GAREM1: variants seen among roughly 807,000 people sequenced by gnomAD.
The protein encoded by GAREM1 is GRB2 associated regulator of MAPK1 subtype 1, also known as GRB2-associated and regulator of MAPK protein 1.
GAREM1 carries 26 observed loss-of-function variants against 71.3 expected under a neutral mutation model. That is an observed-to-expected ratio of 0.36 (90% CI 0.27 to 0.51). The LOEUF is 0.51. Ranked by LOEUF, GAREM1 falls within the 20% of genes least tolerant of loss-of-function variation. The pLI is 0.95. For synonymous variants in GAREM1, 440 were observed against 433.2 expected (o/e 1.02, Z -0.20); for missense variants, 1,026 against 1,103.1 (o/e 0.93, Z 0.99).
In GAREM1 at chr18:32,370,148, G is replaced by T. The variant is rs769821108; in HGVS notation, c.262+22747C>A. ...ATCAACATGCTTTAAAAAGCGTAAG[G>T]TGGGCCGGGTGCGGTGGCTCACGCC... On this transcript the variant is annotated intron_variant, in intron 2 of 5. Transcript: ENST00000269209. Among the ~76,000 whole-genome samples the T allele has an allele frequency of 9.9e-5, 15 of 152,270 alleles. No individual in the cohort carries two copies. In the East Asian group the frequency reaches 2.9e-3, roughly 29 times the overall value.
intron 1 of GAREM1, among the ~76,000 whole-genome samples, chr18:32,463,165 C>A (rs1255921070): frequency 6.6e-6 from 1 of 151,982 alleles, no homozygotes; most frequent in Non-Finnish European, 1.5e-5. Flanking sequence ...TGTACATATA[C>A]TGAAATGCCA....
At chr18:32,295,237 C>T (rs973996267) in intron 3 of GAREM1, among the ~76,000 whole-genome samples, 3 of 151,876 alleles carry the variant, frequency 2.0e-5, no homozygotes, top group Non-Finnish European at 4.4e-5. Flanking sequence ...CCCATATGTT[C>T]ATTTTTCACT....
chr18:32,436,397 T>A lies in GAREM1; in HGVS notation c.121+33911A>T, dbSNP rs2048679020. On this transcript the variant is annotated intron_variant, in intron 1 of 5. Coordinates refer to ENST00000269209, the MANE Select transcript of GAREM1 (RefSeq NM_001242409.2). ...TGTGTGTATGACTTGCAATGTCTTA[T>A]CCACAAGAAAAATAACTACAAGAGG... Among the ~76,000 whole-genome samples, 3 of 152,312 alleles carry A rather than the reference T, an allele frequency of 2.0e-5. No homozygotes were observed. The South Asian group carries it at 6.2e-4, about 32-fold the overall frequency.
intron 1 of GAREM1, among the ~76,000 whole-genome samples, chr18:32,453,073 C>T (rs1000779): frequency 0.27 from 40,708 of 151,864 alleles, 6,292 homozygotes; most frequent in African/African-American, 0.43. Flanking sequence ...AGACTCACAG[C>T]TCCACGTGGC....
chr18:32,443,872 G>A (rs2048763976), intron 1 of GAREM1, among the ~76,000 whole-genome samples: 1 of 152,136 alleles, frequency 6.6e-6, no homozygotes, highest in Admixed American at 6.6e-5. Flanking sequence ...CAATCCAAAT[G>A]TCTATCAACT....
chr18:32,276,820 G>C (rs2041548988), intron 4 of GAREM1, among the ~76,000 whole-genome samples: 2 of 152,192 alleles, frequency 1.3e-5, no homozygotes, highest in African/African-American at 4.8e-5. Context: ...AGAATCTGAA[G>C]TTATGGCGGC....
intron 2 of GAREM1, among the ~76,000 whole-genome samples, chr18:32,382,774 T>C (rs1567988514): frequency 2.0e-5 from 3 of 151,946 alleles, no homozygotes; most frequent in African/African-American, 4.8e-5. Context: ...GCAGTTTTGA[T>C]AGGAATTGTG....
chr18:32,267,842 T>C lies in GAREM1; in HGVS notation c.*29A>G. On this transcript the variant is annotated 3_prime_UTR_variant, in exon 6 of 6. Coordinates refer to ENST00000269209, the MANE Select transcript of GAREM1 (RefSeq NM_001242409.2). ...CTTCTAGCACACGCATTGATCAGTTTTGTTCCATGCTGGCCGGGGGTTATT... is the reference window on the plus strand; with the variant it reads ...CTTCTAGCACACGCATTGATCAGTTCTGTTCCATGCTGGCCGGGGGTTATT... 1 of 1,580,792 alleles carries C rather than the reference T, an allele frequency of 6.3e-7. No individual in the cohort carries two copies. The highest frequency in any genetic ancestry group is 8.6e-7 in the Non-Finnish European group (1 of 1,158,954).
At position 32,270,509 on chromosome 18, in the gene GAREM1, G is replaced by C. The variant is rs78055134; in HGVS notation, c.1567-126C>G. ...AACAGCAGGGTGTAAGCATGGCAGA[G>C]AGAAGATTGAAGTAAACAAGAATGA... On this transcript the variant is annotated intron_variant, in intron 4 of 5. Coordinates refer to ENST00000269209, the MANE Select transcript of GAREM1 (RefSeq NM_001242409.2). The C allele has an allele frequency of 8.1e-6, 6 of 741,090 alleles. No individual in the cohort carries two copies. In the East Asian group the frequency reaches 1.7e-4, roughly 21 times the overall value. The allele number at this position is 741,090 out of a possible 1,614,324, so 45.9% of individuals were successfully genotyped here.
chr18:32,341,621 T>G (rs937171146), intron 2 of GAREM1, among the ~76,000 whole-genome samples: 1 of 152,228 alleles, frequency 6.6e-6, no homozygotes, highest in South Asian at 2.1e-4. Context: ...GTTGATATTT[T>G]TCTTTAAAGC....
chr18:32,398,439 A>T (rs1311704874), intron 1 of GAREM1, among the ~76,000 whole-genome samples: 1 of 152,210 alleles, frequency 6.6e-6, no homozygotes, highest in Non-Finnish European at 1.5e-5. Flanking sequence ...TAAAGAAGAA[A>T]AGAGAGAAGA....
chr18:32,339,533 T>C (rs2047628890), intron 2 of GAREM1, among the ~76,000 whole-genome samples: 1 of 152,200 alleles, frequency 6.6e-6, no homozygotes, highest in Non-Finnish European at 1.5e-5. Context: ...GCTGGACCTA[T>C]GGGAAGGACT....
At chr18:32,449,469 T>C (rs1286855127) in intron 1 of GAREM1, among the ~76,000 whole-genome samples, 1 of 152,124 alleles carries the variant, frequency 6.6e-6, no homozygotes, top group Admixed American at 6.6e-5. Flanking sequence ...AGTGGATCGC[T>C]TGAGTCCAGA....
chr18:32,429,775 A>ATTTC (rs753805787), intron 1 of GAREM1, among the ~76,000 whole-genome samples: 3 of 152,252 alleles, frequency 2.0e-5, no homozygotes, highest in Non-Finnish European at 2.9e-5. Flanking sequence ...TTAATTCTAA[A>ATTTC]TGAACAACTT....
rs987118100 is a variant in GAREM1 at position 32,299,368 on chromosome 18, G to A, written c.393+10825C>T. ...TCTCTACTAAAAATACAAAAAATTA[G>A]CCGGGTGTGGCGGTGTGCGCCTGTT... is the stretch of plus-strand genomic sequence containing the variant. On this transcript the variant is annotated intron_variant, in intron 3 of 5. Coordinates refer to ENST00000269209, the MANE Select transcript of GAREM1 (RefSeq NM_001242409.2). Among the ~76,000 whole-genome samples the A allele has an allele frequency of 4.6e-5, 7 of 151,932 alleles. No individual in the cohort carries two copies. The East Asian group carries it at 5.8e-4, about 13-fold the overall frequency.
chr18:32,375,947 A>G (rs2048026639), intron 2 of GAREM1, among the ~76,000 whole-genome samples: 1 of 152,200 alleles, frequency 6.6e-6, no homozygotes, highest in African/African-American at 2.4e-5. Context: ...ATTTCTAGGC[A>G]TCTTAATTTC....
chr18:32,301,472 GCCAA>G (rs1176241988), intron 3 of GAREM1, among the ~76,000 whole-genome samples: 2 of 152,072 alleles, frequency 1.3e-5, no homozygotes, highest in African/African-American at 2.4e-5. Flanking sequence ...TTAAAATACA[GCCAA>G]CCAACCATTT....
rs1466107137 is a variant in GAREM1 at position 32,470,458 on chromosome 18, C to CCCG, written c.-33_-31dup. On this transcript the variant is annotated 5_prime_UTR_variant, in exon 1 of 6. Coordinates refer to ENST00000269209, the MANE Select transcript of GAREM1 (RefSeq NM_001242409.2). The surrounding 1 kb of genome is among the most constrained non-coding windows in gnomAD (Gnocchi z 4.4). ...CCCGAAGCCTCCTGTCCCGCGCTCC[C>CCCG]CCGCCGCCGCCACCGGCACCACCCG... 7.7e-6 allele frequency: 10 copies of CCCG among 1,295,920 alleles called. No homozygotes were observed. Among genetic ancestry groups the CCCG allele is most frequent in the Non-Finnish European group, 7.9e-6 (8 of 1,009,044 alleles). 80.3% of individuals were successfully genotyped at this position (1,295,920 alleles called of 1,614,324 possible). A position where few individuals can be genotyped will look rare whatever the true frequency, so the allele number is the denominator to read the frequency against.
chr18:32,468,559 C>T (rs372017298), intron 1 of GAREM1, among the ~76,000 whole-genome samples: 35 of 152,296 alleles, frequency 2.3e-4, no homozygotes, highest in African/African-American at 8.2e-4. Flanking sequence ...CTACCCACGT[C>T]CTCATTTTAG....
Sources: allele counts gnomAD v4.1 joint callset (sites outside exome capture counted in the v4.1 genomes callset), GRCh38; gene constraint gnomAD v4.1.1; non-coding constraint Gnocchi (gnomAD v3.1); transcripts MANE v1.5; gene names NCBI Gene and HGNC (gene_info 2026-07-23, HGNC 2026-07-21).